Variants in CDH18 observed in about 807,000 individuals in gnomAD.
CDH18 encodes cadherin-18.
In CDH18, 31 loss-of-function variants were observed where a neutral mutation model predicts 67.9. That is an observed-to-expected ratio of 0.46 (90% confidence interval 0.34 to 0.62). CDH18 has a LOEUF of 0.62. Ranked by LOEUF, CDH18 falls within the 20% of genes least tolerant of loss-of-function variation. The pLI, the probability that CDH18 is intolerant of heterozygous loss-of-function variation, is 0.01. For missense variants in CDH18, 890 were observed against 975.5 expected (o/e 0.91, Z 1.17); for synonymous variants, 362 against 347.2 (o/e 1.04, Z -0.48).
At chr5:19,653,049 C>A (rs1029992878) in intron 5 of CDH18, among the ~76,000 whole-genome samples, 1 of 151,754 alleles carries the variant, frequency 6.6e-6, no homozygotes, top group East Asian at 1.9e-4. Context: ...TGGGAAAACA[C>A]ATTTTTTTTT....
rs556736359 is a variant in CDH18, at chr5:20,189,235, ACTT to A, written c.-518+66206_-518+66208del. Among the ~76,000 whole-genome samples the A allele has an allele frequency of 5.5e-4, 83 of 152,050 alleles. 2 individuals carry two copies. Among genetic ancestry groups the A allele is most frequent in the Admixed American group, 4.1e-3 (62 of 15,248 alleles). On this transcript the variant is annotated intron_variant, in intron 2 of 14. Coordinates refer to the CDH18 transcript ENST00000507958. ...GATAACCCTCTTCCTCTTCAGGTAT[ACTT>A]CTTCTTTACTTCCCTTAATATAGTC...
intron 1 of CDH18, among the ~76,000 whole-genome samples, chr5:20,458,031 T>A (rs1171904759): frequency 2.0e-5 from 3 of 152,186 alleles, no homozygotes; most frequent in Non-Finnish European, 4.4e-5. Context: ...TGGAAAAGAA[T>A]CTTGAAATTG....
At chr5:20,401,847 T>C (rs1047345876) in intron 1 of CDH18, among the ~76,000 whole-genome samples, 1 of 152,208 alleles carries the variant, frequency 6.6e-6, no homozygotes, top group Non-Finnish European at 1.5e-5. Context: ...TTGTTCATAT[T>C]GACCAGAGTG....
Position 20,107,727 on chromosome 5 carries a change from C to T in CDH18, c.-517-115713G>A, listed in dbSNP as rs538272219. On this transcript the variant is annotated intron_variant, in intron 2 of 14. Coordinates refer to the CDH18 transcript ENST00000507958. ...ATTCTCACACAGTCTTTTTTCTGTG[C>T]TTCTGCATTCCCAGTGTTTTTTCCA... is the stretch of plus-strand genomic sequence containing the variant. Among the ~76,000 whole-genome samples the T allele has an allele frequency of 1.2e-4, 19 of 152,058 alleles. 1 individual carries two copies. The highest frequency in any genetic ancestry group is 4.1e-4 in the African/African-American group (17 of 41,514).
intron 1 of CDH18, among the ~76,000 whole-genome samples, chr5:20,275,727 A>T (rs1745760452): frequency 6.6e-6 from 1 of 152,190 alleles, no homozygotes; most frequent in Non-Finnish European, 1.5e-5. Flanking sequence ...CTTAATAAGA[A>T]TCAAACTTCA....
At chr5:19,499,892 G>T (rs542001040) in intron 11 of CDH18, among the ~76,000 whole-genome samples, 1 of 152,020 alleles carries the variant, frequency 6.6e-6, no homozygotes, top group Non-Finnish European at 1.5e-5. Context: ...ATAGCTTTCT[G>T]ATCACTCATC....
At chr5:19,829,802 G>A (rs1410574856) in intron 3 of CDH18, among the ~76,000 whole-genome samples, 1 of 152,150 alleles carries the variant, frequency 6.6e-6, no homozygotes, top group East Asian at 1.9e-4. Flanking sequence ...CAAGGCTATA[G>A]TAACCAAAAC....
intron 1 of CDH18, among the ~76,000 whole-genome samples, chr5:20,501,462 TTA>T (rs540353249): frequency 6.9e-4 from 70 of 102,144 alleles, no homozygotes; most frequent in African/African-American, 2.3e-3. Flanking sequence ...TATATACATA[TTA>T]TATATATTAT....
intron 5 of CDH18, among the ~76,000 whole-genome samples, chr5:19,687,453 C>T (rs1430351420): frequency 6.6e-6 from 1 of 152,162 alleles, no homozygotes; most frequent in Non-Finnish European, 1.5e-5. Context: ...ACTGGAATGG[C>T]AGGGTCCCCA....
intron 1 of CDH18, among the ~76,000 whole-genome samples, chr5:20,355,494 T>C (rs1024031994): frequency 1.3e-5 from 2 of 152,198 alleles, no homozygotes. Flanking sequence ...GCCAAAAAAA[T>C]CTTACATTTC....
chr5:19,600,597 T>G (rs1394329899), intron 6 of CDH18, among the ~76,000 whole-genome samples: 1 of 151,284 alleles, frequency 6.6e-6, no homozygotes, highest in Non-Finnish European at 1.5e-5. Flanking sequence ...TTTCTGTCCT[T>G]TTTCTTGAAA....
chr5:20,151,402 A>G (rs1751090350), intron 2 of CDH18, among the ~76,000 whole-genome samples: 1 of 152,106 alleles, frequency 6.6e-6, no homozygotes, highest in African/African-American at 2.4e-5. Flanking sequence ...ATGGGCACCT[A>G]GGTTTATTCC....
At chr5:19,891,492 A>T (rs2150084731) in intron 2 of CDH18, among the ~76,000 whole-genome samples, 1 of 152,308 alleles carries the variant, frequency 6.6e-6, no homozygotes, top group South Asian at 2.1e-4. Flanking sequence ...CACGTAAAAG[A>T]TAATTTATAA....
chr5:19,718,951 C>T (rs1765670830), intron 5 of CDH18, among the ~76,000 whole-genome samples: 1 of 151,966 alleles, frequency 6.6e-6, no homozygotes, highest in African/African-American at 2.4e-5. Context: ...ATTGTATTTA[C>T]ATATTATGTT....
At chr5:20,555,363 A>G (rs1757839397) in intron 1 of CDH18, among the ~76,000 whole-genome samples, 2 of 122,776 alleles carry the variant, frequency 1.6e-5, no homozygotes, top group South Asian at 5.0e-4. Context: ...ATTTTGTTAT[A>G]GTAGTCCAAG....
At chr5:19,630,937 T>TA (rs1197161391) in intron 5 of CDH18, among the ~76,000 whole-genome samples, 1 of 152,076 alleles carries the variant, frequency 6.6e-6, no homozygotes, top group Non-Finnish European at 1.5e-5. Flanking sequence ...GATTTAGTTA[T>TA]ATAGAGACTG....
intron 2 of CDH18, among the ~76,000 whole-genome samples, chr5:20,086,549 T>A (rs188247376): frequency 7.6e-4 from 116 of 152,310 alleles, no homozygotes; most frequent in African/African-American, 2.7e-3. Flanking sequence ...ACAGGTTGAC[T>A]CTCTTGTTTT....
chr5:20,471,853 C>CAAAAAAAAAAAAAAAAAAAAAAAAAAAA (rs1554005562), intron 1 of CDH18, among the ~76,000 whole-genome samples: 2 of 56,482 alleles, frequency 3.5e-5, no homozygotes, highest in African/African-American at 1.1e-4. Flanking sequence ...AAAAAAAAAG[C>CAAAAAAAAAAAAAAAAAAAAAAAAAAAA]AAAAGCATTG....
intron 1 of CDH18, among the ~76,000 whole-genome samples, chr5:20,481,941 A>T (rs2126313335): frequency 6.6e-6 from 1 of 152,164 alleles, no homozygotes; most frequent in African/African-American, 2.4e-5. Context: ...GAAAAAAAGG[A>T]ATAATAAATA....
Sources: allele counts gnomAD v4.1 joint callset (sites outside exome capture counted in the v4.1 genomes callset), GRCh38; gene constraint gnomAD v4.1.1; transcripts MANE v1.5; gene names NCBI Gene and HGNC (gene_info 2026-07-23, HGNC 2026-07-21).